Variants in OSBPL5 observed in about 807,000 individuals in gnomAD.
OSBPL5 encodes the protein oxysterol binding protein like 5.
In OSBPL5, 71 loss-of-function variants were observed where a neutral mutation model predicts 111.2. The observed-to-expected ratio is 0.64, with a 90% CI of 0.53 to 0.78. The LOEUF is 0.78. Ranked by LOEUF, OSBPL5 falls within the 30% of genes least tolerant of loss-of-function variation. The pLI is 0.00. For missense variants in OSBPL5, 1,210 were observed against 1,189.3 expected (o/e 1.02, Z -0.26); for synonymous variants, 549 against 513.9 (o/e 1.07, Z -0.93).
chr11:3,119,008 T>TG (rs1858306222), intron 7 of OSBPL5, among the ~76,000 whole-genome samples: 1 of 106,878 alleles, frequency 9.4e-6, no homozygotes, highest in Non-Finnish European at 1.9e-5. Flanking sequence ...GGGTGACAGG[T>TG]GGTTTTTTTT....
At chr11:3,095,502 A>C (rs1857228282) in intron 14 of OSBPL5, among the ~76,000 whole-genome samples, 1 of 152,114 alleles carries the variant, frequency 6.6e-6, no homozygotes, top group Non-Finnish European at 1.5e-5. Context: ...ATACCAGCAG[A>C]GGTACTGGGG....
chr11:3,090,310 G>A (rs1857012116), intron 20 of OSBPL5, among the ~76,000 whole-genome samples: 1 of 152,192 alleles, frequency 6.6e-6, no homozygotes, highest in Non-Finnish European at 1.5e-5. Context: ...CACCGCTGGG[G>A]AGCCCCTGGC....
At chr11:3,093,470 CT>C (rs1857136047) in intron 17 of OSBPL5, 56 bp downstream of exon 17, 3 of 1,586,044 alleles carry the variant, frequency 1.9e-6, no homozygotes, top group Non-Finnish European at 1.7e-6. Flanking sequence ...GCTGACCTGC[CT>C]GCTTGGCCAT....
intron 7 of OSBPL5, among the ~76,000 whole-genome samples, chr11:3,112,368 G>A (rs946669697): frequency 6.6e-6 from 1 of 152,216 alleles, no homozygotes; most frequent in Non-Finnish European, 1.5e-5. Flanking sequence ...TCCCCTTGGG[G>A]GAGAAACTTG....
chr11:3,142,174 G>A lies in OSBPL5; in HGVS notation c.-21-13005C>T, dbSNP rs1562354. 0.53 allele frequency among the ~76,000 whole-genome samples: 79,841 copies of A among 151,794 alleles called. 22,206 individuals carry two copies. The highest frequency in any genetic ancestry group is 0.63 in the Non-Finnish European group (42,473 of 67,832). On this transcript the variant is annotated intron_variant, in intron 1 of 21. Transcript: ENST00000263650. The surrounding 1 kb of genome is among the most constrained non-coding windows in gnomAD (Gnocchi z 7.1). ...CCTCAAGTGATCTGCCCTCCTCGGC[G>A]TCCCAAAGTGCTGGGATTACAGGCG...
In OSBPL5 at chr11:3,126,642, C is replaced by T. The variant is rs571995363; in HGVS notation, c.137-87G>A. On this transcript the variant is annotated intron_variant, in intron 2 of 21. Coordinates refer to ENST00000263650, the MANE Select transcript of OSBPL5 (RefSeq NM_020896.4). This position sits in a 1 kb window ranked among gnomAD's most constrained non-coding sequence, Gnocchi z 6.5. ...GCTGCCTGGTGTGAGGCAGGCGAAG[C>T]GTGGGTGCGGATGACCTGGGAGGGG... 46 of 1,207,194 alleles carry T rather than the reference C, an allele frequency of 3.8e-5. No individual in the cohort carries two copies. The highest frequency in any genetic ancestry group is 2.4e-4 in the East Asian group (9 of 38,146). The allele number at this position is 1,207,194 out of a possible 1,614,324, so 74.8% of individuals were successfully genotyped here.
intron 14 of OSBPL5, among the ~76,000 whole-genome samples, chr11:3,099,361 G>A (rs1002426390): frequency 6.6e-6 from 1 of 152,162 alleles, no homozygotes; most frequent in East Asian, 1.9e-4. Context: ...GGAGTGAAAA[G>A]GAAGGTGAAC....
Position 3,120,376 on chromosome 11 carries a change from T to C in OSBPL5, c.606+45A>G, listed in dbSNP as rs114696198. ...ACCAGGGCCCTAGGAATGAGCCCCT[T>C]GGCCCTACGGGGCCTCTGTCTTCAA... is the stretch of plus-strand genomic sequence containing the variant. On this transcript the variant is annotated intron_variant, in intron 6 of 21. Coordinates refer to ENST00000263650, the MANE Select transcript of OSBPL5 (RefSeq NM_020896.4). The C allele has an allele frequency of 1.9e-3, 3,038 of 1,575,904 alleles. 41 individuals carry two copies. The African/African-American group carries it at 0.037, about 19-fold the overall frequency.
Position 3,150,908 on chromosome 11 carries a change from C to T in OSBPL5, c.-22+14308G>A, listed in dbSNP as rs192855024. Among the ~76,000 whole-genome samples the T allele has an allele frequency of 3.9e-5, 6 of 152,318 alleles. No individual in the cohort carries two copies. In the South Asian group the frequency reaches 6.2e-4, roughly 16 times the overall value. On this transcript the variant is annotated intron_variant, in intron 1 of 21. Transcript: ENST00000263650. ...TCCTAGTCCGTCTTCCCAGGAGTCA[C>T]GGCGGGCTGCCCGCTGTGGCCACCC...
At chr11:3,149,982 A>G (rs544983657) in intron 1 of OSBPL5, among the ~76,000 whole-genome samples, 3 of 152,322 alleles carry the variant, frequency 2.0e-5, no homozygotes, top group Admixed American at 6.5e-5. Flanking sequence ...ACACACACAT[A>G]CACATGTGCA....
chr11:3,137,542 G>A (rs184904867), intron 1 of OSBPL5, among the ~76,000 whole-genome samples: 2 of 152,284 alleles, frequency 1.3e-5, no homozygotes, highest in East Asian at 3.9e-4. Context: ...ACTGCACCTG[G>A]GATTACAAGC....
rs747286924 is a variant in OSBPL5, at chr11:3,161,813, G to C, written c.-22+3403C>G. On this transcript the variant is annotated intron_variant, in intron 1 of 21. Coordinates refer to ENST00000263650, the MANE Select transcript of OSBPL5 (RefSeq NM_020896.4). This position sits in a 1 kb window ranked among gnomAD's most constrained non-coding sequence, Gnocchi z 8.0. ...GAATGGGTAACGGGCCAGGAACAGA[G>C]ACTCTCTCAGAGAGGCAGCATCTGA... Among the ~76,000 whole-genome samples the C allele has an allele frequency of 6.6e-6, 1 of 152,234 alleles. No individual in the cohort carries two copies. The highest frequency in any genetic ancestry group is 1.5e-5 in the Non-Finnish European group (1 of 68,048).
Position 3,165,002 on chromosome 11 carries a change from C to T in OSBPL5, c.-22+214G>A, listed in dbSNP as rs1487655680. On this transcript the variant is annotated intron_variant, in intron 1 of 21. Coordinates refer to ENST00000263650, the MANE Select transcript of OSBPL5 (RefSeq NM_020896.4). This position sits in a 1 kb window ranked among gnomAD's most constrained non-coding sequence, Gnocchi z 7.4. ...GGGCGCCCCCAGGCTCCCGCGCTCC[C>T]CAGCTCCCCAGCGCGCGACCGGCCC... is the stretch of plus-strand genomic sequence containing the variant. Among the ~76,000 whole-genome samples, 1 of 151,190 alleles carries T rather than the reference C, an allele frequency of 6.6e-6. No homozygotes were observed. The highest frequency in any genetic ancestry group is 1.5e-5 in the Non-Finnish European group (1 of 67,672).
chr11:3,107,274 C>T lies in OSBPL5; in HGVS notation c.1048G>A (p.Glu350Lys), dbSNP rs1304883400. Residue 350 changes from glutamate (E) to lysine (K), a missense_variant, in exon 9 of 22, where the codon GAG becomes AAG. Physicochemically the swap from Glu to Lys is moderately conservative, Grantham distance 56. Transcript: ENST00000263650. The surrounding 1 kb of genome is among the most constrained non-coding windows in gnomAD (Gnocchi z 6.1). ...TGGGGGGCTCTCACCTCCCCCAGCTCCTCCTGGACCTGCTCCACATAGGTG... is the reference window on the plus strand; with the variant it reads ...TGGGGGGCTCTCACCTCCCCCAGCTTCTCCTGGACCTGCTCCACATAGGTG... ...GTTYVEQVQE[E>K]LGELGEASQV... 6.2e-7 allele frequency: 1 copy of T among 1,612,712 alleles called. No homozygotes were observed. Among genetic ancestry groups the T allele is most frequent in the African/African-American group, 1.3e-5 (1 of 74,980 alleles).
Position 3,107,980 on chromosome 11 carries a change from C to T in OSBPL5, c.692-35G>A, listed in dbSNP as rs980191842. 6 of 1,101,004 alleles carry T rather than the reference C, an allele frequency of 5.4e-6. No homozygotes were observed. In the African/African-American group the frequency reaches 5.6e-5, roughly 10 times the overall value. The allele number at this position is 1,101,004 out of a possible 1,614,324, so 68.2% of individuals were successfully genotyped here. On this transcript the variant is annotated intron_variant, in intron 7 of 21. Transcript: ENST00000263650. The surrounding 1 kb of genome is among the most constrained non-coding windows in gnomAD (Gnocchi z 6.1). The stretch of plus-strand genomic sequence containing the variant: ...ACACGGGATGAGCATGCCCCACCCC[C>T]ACCTCTGTATATCCCGCATCCCCCA...
In OSBPL5 at chr11:3,100,212, A is replaced by G. The variant is rs1335119657; in HGVS notation, c.1567T>C (p.Phe523Leu). 6.2e-7 allele frequency: 1 copy of G among 1,613,976 alleles called. No homozygotes were observed. The highest frequency in any genetic ancestry group is 2.2e-5 in the East Asian group (1 of 44,886). ...ALLDGKATLTFLNRAEDYTLT... is the reference protein window; with the variant it reads ...ALLDGKATLTLLNRAEDYTLT... ...GTGTAATCCTCGGCTCGGTTCAGGA[A>G]GGTGAGCGTGGCTTTGCCGTCCAGC... Residue 523 changes from phenylalanine to leucine, a missense_variant, in exon 14 of 22, where the codon TTC becomes CTC. Phe to Leu is a conservative substitution (Grantham distance 22). Transcript: ENST00000263650.
chr11:3,134,646 T>A (rs1286996980), intron 1 of OSBPL5, among the ~76,000 whole-genome samples: 1 of 152,226 alleles, frequency 6.6e-6, no homozygotes, highest in Non-Finnish European at 1.5e-5. Context: ...GGGAACACTT[T>A]GGACTTGGGT....
chr11:3,156,392 C>T (rs189674991), intron 1 of OSBPL5, among the ~76,000 whole-genome samples: 53 of 152,274 alleles, frequency 3.5e-4, no homozygotes, highest in African/African-American at 1.2e-3. Context: ...GACTTCTCTG[C>T]GACTCTAACA....
rs532694443 is a variant in OSBPL5, at chr11:3,110,166, C to G, written c.692-2221G>C. ...ACCGAGACTCCAACCTGAGAGGCAC[C>G]GGAGCCCCGTGGTCAAGGCCAGACT... On this transcript the variant is annotated intron_variant, in intron 7 of 21. Coordinates refer to ENST00000263650, the MANE Select transcript of OSBPL5 (RefSeq NM_020896.4). The surrounding 1 kb of genome is among the most constrained non-coding windows in gnomAD (Gnocchi z 5.3). Among the ~76,000 whole-genome samples, 57 of 152,294 alleles carry G rather than the reference C, an allele frequency of 3.7e-4. No individual in the cohort carries two copies. Among genetic ancestry groups the G allele is most frequent in the African/African-American group, 1.3e-3 (54 of 41,556 alleles).
Sources: allele counts gnomAD v4.1 joint callset (sites outside exome capture counted in the v4.1 genomes callset), GRCh38; gene constraint gnomAD v4.1.1; non-coding constraint Gnocchi (gnomAD v3.1); transcripts MANE v1.5; gene names NCBI Gene and HGNC (gene_info 2026-07-23, HGNC 2026-07-21).